PTH2R: variants seen among roughly 807,000 people sequenced by gnomAD.
PTH2R encodes PTH2 receptor.
PTH2R carries 59 observed loss-of-function variants against 60.3 expected under a neutral mutation model. The ratio of observed to expected loss-of-function variants is 0.98; its 90% CI spans 0.79 to 1.22. The LOEUF is 1.22. Among genes scored for constraint, PTH2R ranks in the 50% most tolerant of loss-of-function variants. The pLI, the probability that PTH2R is intolerant of heterozygous loss-of-function variation, is 0.00. For missense variants in PTH2R, 749 were observed against 682.6 expected, an observed-to-expected ratio of 1.10 and a Z score of -1.08; for synonymous variants, 256 against 243.8, an observed-to-expected ratio of 1.05 and a Z score of -0.47.
chr2:208,446,546 A>G (rs1702291445), intron 7 of PTH2R, among the ~76,000 whole-genome samples: 1 of 152,206 alleles, frequency 6.6e-6, no homozygotes, highest in Non-Finnish European at 1.5e-5. Context: ...TTGCTCACTT[A>G]ATTAGCCACA....
chr2:208,442,298 C>G lies in PTH2R; in HGVS notation c.412-66C>G, dbSNP rs976591224. 3.5e-6 allele frequency: 4 copies of G among 1,151,428 alleles called. No homozygotes were observed. In the African/African-American group the frequency reaches 6.2e-5, roughly 18 times the overall value. 71.3% of individuals were successfully genotyped at this position (1,151,428 alleles called of 1,614,324 possible). On this transcript the variant is annotated intron_variant, in intron 4 of 12. Transcript: ENST00000272847. ...GAAATAAGATTCCAAAAATGACATA[C>G]TATTTCTTTGCCAGTTTATTGGTAA...
At position 208,443,413 on chromosome 2, in the gene PTH2R, C is replaced by T. The variant is rs1331367227; in HGVS notation, c.575C>T (p.Thr192Ile). The change falls in exon 6 of 13, where the codon ACA becomes ATA. Residue 192 changes from threonine to isoleucine, a missense_variant. By Grantham distance (89) the Thr-to-Ile change is moderately conservative. Coordinates refer to ENST00000272847, the MANE Select transcript of PTH2R (RefSeq NM_005048.4). Reference sequence around the variant, plus strand: ...TTTGTGTCTTTCATGCTGAGAGCTACAAGCATCTTTGTCAAAGACAGAGTA... The same window carrying T: ...TTTGTGTCTTTCATGCTGAGAGCTATAAGCATCTTTGTCAAAGACAGAGTA... Reference protein sequence around the residue: ...HLFVSFMLRATSIFVKDRVVH... With the variant: ...HLFVSFMLRAISIFVKDRVVH... 1 of 1,613,090 alleles carries T rather than the reference C, an allele frequency of 6.2e-7. No individual in the cohort carries two copies. Among genetic ancestry groups the T allele is most frequent in the South Asian group, 1.1e-5 (1 of 90,890 alleles).
intron 7 of PTH2R, among the ~76,000 whole-genome samples, chr2:208,447,383 T>C (rs1463527033): frequency 6.6e-6 from 1 of 151,696 alleles, no homozygotes; most frequent in Non-Finnish European, 1.5e-5. Context: ...GGTCAGGAGA[T>C]TGAGACCATC....
intron 9 of PTH2R, among the ~76,000 whole-genome samples, chr2:208,480,708 A>C (rs918053550): frequency 6.6e-6 from 1 of 152,228 alleles, no homozygotes. Context: ...TAAAGTAGAG[A>C]AGTAGCTGAG....
intron 1 of PTH2R, chr2:208,360,297 C>T: frequency 2.8e-6 from 1 of 358,790 alleles, no homozygotes; most frequent in South Asian, 2.1e-5. Context: ...TACGGGGTCT[C>T]CTACTGGTCC....
At chr2:208,415,120 G>A (rs572806441) in intron 1 of PTH2R, among the ~76,000 whole-genome samples, 9 of 152,202 alleles carry the variant, frequency 5.9e-5, no homozygotes, top group Middle Eastern at 3.4e-3. Context: ...TCAGCTTAGT[G>A]AATAACAATA....
At chr2:208,378,101 C>G (rs6735927) in intron 1 of PTH2R, among the ~76,000 whole-genome samples, 73,041 of 151,420 alleles carry the variant, frequency 0.48, 18,796 homozygotes, top group Admixed American at 0.57. Context: ...CTGAGTGAAC[C>G]AGACTCCGTC....
chr2:208,470,985 A>G (rs1279553898), intron 9 of PTH2R, among the ~76,000 whole-genome samples: 1 of 152,222 alleles, frequency 6.6e-6, no homozygotes, highest in Non-Finnish European at 1.5e-5. Context: ...TCTTTTATCA[A>G]AGAGACTGGT....
At chr2:208,402,481 T>A (rs1283268383), upstream of PTH2R, among the ~76,000 whole-genome samples, 1 of 152,232 alleles carries the variant, frequency 6.6e-6, no homozygotes, top group Non-Finnish European at 1.5e-5. Context: ...CAAAATGTCA[T>A]AGCTCCCTAC....
chr2:208,394,819 T>G (rs1701175755), intron 1 of PTH2R, among the ~76,000 whole-genome samples: 1 of 152,188 alleles, frequency 6.6e-6, no homozygotes, highest in Non-Finnish European at 1.5e-5. Context: ...TTTAAGGAAT[T>G]AAATTATTTA....
intron 9 of PTH2R, among the ~76,000 whole-genome samples, chr2:208,479,782 T>C (rs1167640582): frequency 6.6e-6 from 1 of 152,236 alleles, no homozygotes; most frequent in Admixed American, 6.5e-5. Flanking sequence ...TTCTAGCCGA[T>C]TGGTGGATAT....
intron 10 of PTH2R, among the ~76,000 whole-genome samples, chr2:208,481,434 C>T (rs1213454536): frequency 6.6e-6 from 1 of 152,162 alleles, no homozygotes; most frequent in Non-Finnish European, 1.5e-5. Flanking sequence ...TGGTCTCAAA[C>T]TCCTGACCTC....
chr2:208,475,329 A>G (rs970593636), intron 9 of PTH2R, among the ~76,000 whole-genome samples: 1 of 152,176 alleles, frequency 6.6e-6, no homozygotes, highest in Non-Finnish European at 1.5e-5. Context: ...CTTATAGTAC[A>G]TACATCTAAG....
At chr2:208,466,954 G>A (rs917275008) in intron 9 of PTH2R, among the ~76,000 whole-genome samples, 12 of 151,912 alleles carry the variant, frequency 7.9e-5, no homozygotes, top group Admixed American at 3.3e-4. Context: ...CTATTTCTAA[G>A]TATTTTATTC....
intron 12 of PTH2R, 122 bp from the exon 13 acceptor site, chr2:208,493,142 C>G: frequency 9.3e-7 from 1 of 1,078,904 alleles, no homozygotes; most frequent in Non-Finnish European, 1.3e-6. Context: ...AAGTCCCTGG[C>G]ACGTAGAGGA....
rs1702105570 is a variant in PTH2R at position 208,437,788 on chromosome 2, T to C, written c.318T>C (p.Asn106=). The part of the protein sequence containing the change: ...KGVAFRHCNP[N]GTWDFMHSLN... ...TTGCTTTCCGACACTGTAACCCCAATGGAACATGGGATTTTATGCACAGCT... is the reference window on the plus strand; with the variant it reads ...TTGCTTTCCGACACTGTAACCCCAACGGAACATGGGATTTTATGCACAGCT... Residue 106 remains asparagine (N), a synonymous_variant, in exon 4 of 13, where the codon AAT becomes AAC. Transcript: ENST00000272847. The C allele has an allele frequency of 1.2e-6, 2 of 1,613,822 alleles. No individual in the cohort carries two copies. Among genetic ancestry groups the C allele is most frequent in the Non-Finnish European group, 1.7e-6 (2 of 1,179,742 alleles).
At chr2:208,479,153 G>A (rs1412889814) in intron 9 of PTH2R, among the ~76,000 whole-genome samples, 1 of 151,870 alleles carries the variant, frequency 6.6e-6, no homozygotes, top group Non-Finnish European at 1.5e-5. Flanking sequence ...CAATTTGGTT[G>A]GCCTTGAACG....
intron 8 of PTH2R, among the ~76,000 whole-genome samples, chr2:208,458,922 C>T (rs143577552): frequency 6.6e-5 from 10 of 152,136 alleles, no homozygotes; most frequent in South Asian, 2.1e-4. Context: ...TATTTGCATA[C>T]GTGTGTCTTT....
chr2:208,421,366 G>T (rs1396924607), intron 1 of PTH2R, among the ~76,000 whole-genome samples: 1 of 131,462 alleles, frequency 7.6e-6, no homozygotes, highest in Admixed American at 7.2e-5. Flanking sequence ...CATATTGGGG[G>T]TGTGTGTGTG....
Sources: allele counts gnomAD v4.1 joint callset (sites outside exome capture counted in the v4.1 genomes callset), GRCh38; gene constraint gnomAD v4.1.1; transcripts MANE v1.5; gene names NCBI Gene and HGNC (gene_info 2026-07-23, HGNC 2026-07-21).